The following PCDHA2 variants were observed in gnomAD, a reference collection of about 807,000 sequenced individuals.
The protein encoded by PCDHA2 is protocadherin alpha 2, also known as protocadherin alpha-2.
PCDHA2 carries 58 observed loss-of-function variants against 66.0 expected under a neutral mutation model. That is an observed-to-expected ratio of 0.88 (90% CI 0.71 to 1.09). PCDHA2 has a LOEUF of 1.09. PCDHA2 is among the 50% of genes least tolerant of loss of function. The pLI is 0.00. For synonymous variants in PCDHA2, 634 were observed against 554.0 expected (o/e 1.14, Z -2.03); for missense variants, 1,267 against 1,242.3 (o/e 1.02, Z -0.30).
At chr5:140,801,779 C>A (rs782318440) in intron 1 of PCDHA2, 1 of 1,613,678 alleles carries the variant, frequency 6.2e-7, no homozygotes, top group South Asian at 1.1e-5. Flanking sequence ...CCCTTGGACT[C>A]GTGTTGAAAA....
At chr5:140,978,782 A>C (rs782295456) in intron 1 of PCDHA2, 167 bp from the exon 2 acceptor site, 1 of 971,546 alleles carries the variant, frequency 1.0e-6, no homozygotes, top group African/African-American at 1.8e-5. Flanking sequence ...TTTTCTTCTA[A>C]AGTGCTATAT....
In PCDHA2 at chr5:140,830,153, G is replaced by A. The variant is rs2150182058; in HGVS notation, c.2388+32801G>A. On this transcript the variant is annotated intron_variant, in intron 1 of 3. Coordinates refer to ENST00000526136, the MANE Select transcript of PCDHA2 (RefSeq NM_018905.3). ...ATCACGGGCGTCGGTGGGCGCCGCG[G>A]GCCCAGAGGCGGCGCTGGTGGATGT... 6 of 1,613,358 alleles carry A rather than the reference G, an allele frequency of 3.7e-6. No individual in the cohort carries two copies. In the East Asian group the frequency reaches 8.9e-5, roughly 24 times the overall value.
chr5:140,810,607 A>G (rs1418736500), intron 1 of PCDHA2: 1 of 152,144 alleles, frequency 6.6e-6, no homozygotes, highest in African/African-American at 2.4e-5. Flanking sequence ...GGCAATTTTT[A>G]TACCTTATTT....
At chr5:140,963,925 T>C (rs1293339875) in intron 1 of PCDHA2, among the ~76,000 whole-genome samples, 1 of 152,230 alleles carries the variant, frequency 6.6e-6, no homozygotes, top group Non-Finnish European at 1.5e-5. Flanking sequence ...CTAAGTAACA[T>C]GTCCATAGCC....
chr5:140,994,784 A>G (rs1245945274), intron 3 of PCDHA2, among the ~76,000 whole-genome samples: 2 of 152,202 alleles, frequency 1.3e-5, no homozygotes, highest in Non-Finnish European at 2.9e-5. Flanking sequence ...CAAAGGAAAC[A>G]ATGCGTGCAT....
At chr5:140,992,605 A>C (rs2097521923) in intron 3 of PCDHA2, among the ~76,000 whole-genome samples, 1 of 152,166 alleles carries the variant, frequency 6.6e-6, no homozygotes, top group South Asian at 2.1e-4. Flanking sequence ...TCTGTGTCTA[A>C]GTGAAAGCAG....
Position 140,858,255 on chromosome 5 carries a change from C to T in PCDHA2, c.2388+60903C>T, listed in dbSNP as rs782505724. On this transcript the variant is annotated intron_variant, in intron 1 of 3. Coordinates refer to ENST00000526136, the MANE Select transcript of PCDHA2 (RefSeq NM_018905.3). ...GGCGCATGTGGGCCGGTGAAGCCCA[C>T]GCTGGTGTGCTCTAGCGCGGTGGGG... The T allele has an allele frequency of 1.9e-6, 3 of 1,596,960 alleles. No individual in the cohort carries two copies. In the South Asian group the frequency reaches 3.3e-5, roughly 18 times the overall value.
At chr5:140,834,546 G>C in intron 1 of PCDHA2, 1 of 1,614,062 alleles carries the variant, frequency 6.2e-7, no homozygotes, top group South Asian at 1.1e-5. Flanking sequence ...CCTGGGGCTG[G>C]AGCTGGCGGA....
intron 1 of PCDHA2, chr5:140,883,811 G>A: frequency 6.2e-7 from 1 of 1,612,586 alleles, no homozygotes; most frequent in African/African-American, 1.3e-5. Context: ...CGCGGAGAGC[G>A]GCAAGGTGTA....
chr5:140,899,259 G>C (rs2067235630), intron 1 of PCDHA2, among the ~76,000 whole-genome samples: 1 of 152,126 alleles, frequency 6.6e-6, no homozygotes, highest in African/African-American at 2.4e-5. Context: ...GGGCATCCCT[G>C]TCTTGTGGCA....
At chr5:140,825,878 G>T (rs1768749257) in intron 1 of PCDHA2, 1 of 152,366 alleles carries the variant, frequency 6.6e-6, no homozygotes, top group Non-Finnish European at 1.5e-5. Context: ...TTTACAAAGA[G>T]TTGTTTATTA....
intron 1 of PCDHA2, chr5:140,843,655 T>C: frequency 6.3e-7 from 1 of 1,594,836 alleles, no homozygotes; most frequent in Non-Finnish European, 8.6e-7. Context: ...GCCTTCCTCC[T>C]GATCTGGGAT....
chr5:140,821,624 A>T, intron 1 of PCDHA2: 3 of 893,544 alleles, frequency 3.4e-6, no homozygotes, highest in Non-Finnish European at 5.0e-6. Flanking sequence ...GATTTTCCTT[A>T]GACAGAAAGG....
At chr5:140,857,708 G>C (rs1554150547) in intron 1 of PCDHA2, 8 of 1,597,392 alleles carry the variant, frequency 5.0e-6, no homozygotes, top group Non-Finnish European at 6.0e-6. Flanking sequence ...GCAGGTGTTC[G>C]TGCTGGACGA....
At chr5:140,851,062 AGTGAGAATTATAAACT>A in intron 1 of PCDHA2, 1 of 1,372,160 alleles carries the variant, frequency 7.3e-7, no homozygotes, top group Non-Finnish European at 9.6e-7. Context: ...CTTGACTTCT[AGTGAGAATTATAAACT>A]GTATATTAAA....
intron 3 of PCDHA2, among the ~76,000 whole-genome samples, chr5:140,990,741 G>A (rs528078912): frequency 4.3e-4 from 65 of 152,270 alleles, no homozygotes; most frequent in African/African-American, 1.2e-3. Context: ...ACAGCCCTAG[G>A]GTGGATACCT....
chr5:140,856,649 C>T, intron 1 of PCDHA2: 1 of 1,598,072 alleles, frequency 6.3e-7, no homozygotes, highest in South Asian at 1.1e-5. Context: ...GCTGCTGGAT[C>T]GTGAAGAAAA....
intron 1 of PCDHA2, among the ~76,000 whole-genome samples, chr5:140,826,671 C>A (rs1040298871): frequency 2.1e-4 from 32 of 151,720 alleles, no homozygotes; most frequent in Admixed American, 1.4e-3. Flanking sequence ...AAATTGTAGA[C>A]GTAATTAAAA....
chr5:141,006,365 C>A, intron 3 of PCDHA2, among the ~76,000 whole-genome samples: 1 of 151,966 alleles, frequency 6.6e-6, no homozygotes, highest in East Asian at 1.9e-4. Flanking sequence ...GCGCCCACCA[C>A]CACGCCCGGC....
Sources: allele counts gnomAD v4.1 joint callset (sites outside exome capture counted in the v4.1 genomes callset), GRCh38; gene constraint gnomAD v4.1.1; transcripts MANE v1.5; gene names NCBI Gene and HGNC (gene_info 2026-07-23, HGNC 2026-07-21).